Variants in FEM1B observed in about 807,000 individuals in gnomAD.
The protein encoded by FEM1B is protein fem-1 homolog B.
In FEM1B, 10 loss-of-function variants were observed where a neutral mutation model predicts 38.6. That is an observed-to-expected ratio of 0.26 (90% confidence interval 0.16 to 0.44). FEM1B has a LOEUF of 0.44. Among genes scored for constraint, FEM1B ranks in the 20% least tolerant of loss-of-function variants. The pLI is 1.00. For synonymous variants in FEM1B, 288 were observed against 288.0 expected (o/e 1.00, Z 0.00); for missense variants, 471 against 786.7 (o/e 0.60, Z 4.80).
At position 68,280,210 on chromosome 15, in the gene FEM1B, C is replaced by T. The variant is rs1158246371; in HGVS notation, c.248+1545C>T. On this transcript the variant is annotated intron_variant, in intron 1 of 1. Transcript: ENST00000306917. This position sits in a 1 kb window ranked among gnomAD's most constrained non-coding sequence, Gnocchi z 4.2. ...TGTTTTGAGGTGGCAATTAAAAGAACCTGAAATGACTAGAAATGTAGCATT... is the reference window on the plus strand; with the variant it reads ...TGTTTTGAGGTGGCAATTAAAAGAATCTGAAATGACTAGAAATGTAGCATT... The T allele has an allele frequency of 6.6e-6, 1 of 152,184 alleles. No homozygotes were observed. Among genetic ancestry groups the T allele is most frequent in the Admixed American group, 6.5e-5 (1 of 15,282 alleles). 9.4% of individuals were successfully genotyped at this position (152,184 alleles called of 1,614,324 possible).
rs768330591 is a variant in FEM1B at position 68,290,751 on chromosome 15, T to A, written c.1393T>A (p.Cys465Ser). 3 of 1,613,866 alleles carry A rather than the reference T, an allele frequency of 1.9e-6. No homozygotes were observed. In the African/African-American group the frequency reaches 4.0e-5, roughly 22 times the overall value. Residue 465 changes from cysteine (C) to serine (S), a missense_variant, in exon 2 of 2, where the codon TGC becomes AGC. Transcript: ENST00000306917. The surrounding 1 kb of genome is among the most constrained non-coding windows in gnomAD (Gnocchi z 9.7). ...TKTQCSEEDQCKINKQIYNLI... is the reference protein window; with the variant it reads ...TKTQCSEEDQSKINKQIYNLI... ...AACACAGTGCAGCGAAGAAGATCAG[T>A]GCAAAATTAACAAGCAGATCTACAA...
At chr15:68,286,249 A>T (rs1454499466) in intron 1 of FEM1B, among the ~76,000 whole-genome samples, 19 of 148,632 alleles carry the variant, frequency 1.3e-4, no homozygotes, top group Non-Finnish European at 2.8e-4. Context: ...TGATAATATT[A>T]TTCTGTCCCC....
In FEM1B at chr15:68,292,314, T is replaced by C. The variant is rs911007177; in HGVS notation, c.*1072T>C. ...ATGTTTTTTATGATGAAAATAATTC[T>C]CAATGCCACTTGAAAGGTAATTGTG... On this transcript the variant is annotated 3_prime_UTR_variant, in exon 2 of 2. Transcript: ENST00000306917. The C allele has an allele frequency of 5.3e-5, 8 of 152,192 alleles. No individual in the cohort carries two copies. Among genetic ancestry groups the C allele is most frequent in the African/African-American group, 1.9e-4 (8 of 41,478 alleles). The allele number at this position is 152,192 out of a possible 1,614,324, so 9.4% of individuals were successfully genotyped here.
rs1892848263 is a variant in FEM1B, at chr15:68,291,534, A to G, written c.*292A>G. On this transcript the variant is annotated 3_prime_UTR_variant, in exon 2 of 2. Transcript: ENST00000306917. The surrounding 1 kb of genome is among the most constrained non-coding windows in gnomAD (Gnocchi z 6.9). Reference sequence around the variant, plus strand: ...ATATAAAATGTTTTGTTTATGTAACAAGGGACATTTATAATTTCAAGTTGA... The same window carrying G: ...ATATAAAATGTTTTGTTTATGTAACGAGGGACATTTATAATTTCAAGTTGA... 1 of 328,262 alleles carries G rather than the reference A, an allele frequency of 3.0e-6. No homozygotes were observed. 20.3% of individuals were successfully genotyped at this position (328,262 alleles called of 1,614,324 possible). A position where few individuals can be genotyped will look rare whatever the true frequency, so the allele number is the denominator to read the frequency against.
Position 68,290,774 on chromosome 15 carries a change from C to T in FEM1B, c.1416C>T (p.Tyr472=). The T allele has an allele frequency of 1.2e-6, 2 of 1,614,010 alleles. No homozygotes were observed. The highest frequency in any genetic ancestry group is 1.7e-6 in the Non-Finnish European group (2 of 1,179,902). The stretch of plus-strand genomic sequence containing the variant: ...AGTGCAAAATTAACAAGCAGATCTA[C>T]AACCTGATTCACCTTGATCCCAGAA... The part of the protein sequence containing the change: ...EDQCKINKQI[Y]NLIHLDPRTR... The change falls in exon 2 of 2, where the codon TAC becomes TAT. Residue 472 remains tyrosine, a synonymous_variant. Transcript: ENST00000306917. The surrounding 1 kb of genome is among the most constrained non-coding windows in gnomAD (Gnocchi z 9.7).
rs1595842115 is a variant in FEM1B at position 68,291,538 on chromosome 15, G to A, written c.*296G>A. On this transcript the variant is annotated 3_prime_UTR_variant, in exon 2 of 2. Coordinates refer to ENST00000306917, the MANE Select transcript of FEM1B (RefSeq NM_015322.5). This position sits in a 1 kb window ranked among gnomAD's most constrained non-coding sequence, Gnocchi z 6.9. The stretch of plus-strand genomic sequence containing the variant: ...AAAATGTTTTGTTTATGTAACAAGG[G>A]ACATTTATAATTTCAAGTTGATAAT... 23 of 315,322 alleles carry A rather than the reference G, an allele frequency of 7.3e-5. No homozygotes were observed. The East Asian group carries it at 1.2e-3, about 17-fold the overall frequency. The allele number at this position is 315,322 out of a possible 1,614,324, so 19.5% of individuals were successfully genotyped here. A position where few individuals can be genotyped will look rare whatever the true frequency, so the allele number is the denominator to read the frequency against.
At position 68,278,384 on chromosome 15, in the gene FEM1B, G is replaced by A. The variant is rs1892686529; in HGVS notation, c.-34G>A. On this transcript the variant is annotated 5_prime_UTR_variant, in exon 1 of 2. Coordinates refer to ENST00000306917, the MANE Select transcript of FEM1B (RefSeq NM_015322.5). The surrounding 1 kb of genome is among the most constrained non-coding windows in gnomAD (Gnocchi z 5.7). ...GGGGGCGCACGGCAGCTGCAGCGGT[G>A]GCGACCAAACGGGTGTTGGAGTTGG... 6.3e-7 allele frequency: 1 copy of A among 1,593,738 alleles called. No individual in the cohort carries two copies. Among genetic ancestry groups the A allele is most frequent in the Non-Finnish European group, 8.5e-7 (1 of 1,169,604 alleles).
chr15:68,286,462 G>C (rs951449471), intron 1 of FEM1B, among the ~76,000 whole-genome samples: 1 of 146,408 alleles, frequency 6.8e-6, no homozygotes, highest in Non-Finnish European at 1.5e-5. Flanking sequence ...TTGTAGCCTC[G>C]ACCTCTTGGA....
rs181098440 is a variant in FEM1B at position 68,278,941 on chromosome 15, C to T, written c.248+276C>T. 1.3e-5 allele frequency among the ~76,000 whole-genome samples: 2 copies of T among 152,258 alleles called. No homozygotes were observed. Among genetic ancestry groups the T allele is most frequent in the East Asian group, 3.9e-4 (2 of 5,182 alleles). ...TGAAATCTAATAGTCGTCTTCTCTACTAGATAGTCTGTGAACAAGCCATTT... is the reference window on the plus strand; with the variant it reads ...TGAAATCTAATAGTCGTCTTCTCTATTAGATAGTCTGTGAACAAGCCATTT... On this transcript the variant is annotated intron_variant, in intron 1 of 1. Transcript: ENST00000306917. This position sits in a 1 kb window ranked among gnomAD's most constrained non-coding sequence, Gnocchi z 5.7.
chr15:68,286,654 T>G (rs1031703194), intron 1 of FEM1B, among the ~76,000 whole-genome samples: 1 of 152,210 alleles, frequency 6.6e-6, no homozygotes, highest in East Asian at 1.9e-4. Flanking sequence ...AGGAGTGTTT[T>G]GTAGTTTTCA....
chr15:68,280,580 A>C lies in FEM1B; in HGVS notation c.248+1915A>C, dbSNP rs60647108. ...TGACGTTCGAGCTGTGTTTTAAAGA[A>C]TAGTAGTAGGACATGAAGAAGAGGG... On this transcript the variant is annotated intron_variant, in intron 1 of 1. Transcript: ENST00000306917. The surrounding 1 kb of genome is among the most constrained non-coding windows in gnomAD (Gnocchi z 4.2). Among the ~76,000 whole-genome samples the C allele has an allele frequency of 0.022, 3,330 of 152,292 alleles. 101 individuals carry two copies. Among genetic ancestry groups the C allele is most frequent in the African/African-American group, 0.071 (2,938 of 41,552 alleles).
chr15:68,279,431 A>T (rs1892703264), intron 1 of FEM1B, among the ~76,000 whole-genome samples: 1 of 152,170 alleles, frequency 6.6e-6, no homozygotes, highest in African/African-American at 2.4e-5. Context: ...AATTGTACGA[A>T]TTTTTGGGTA....
rs142597284 is a variant in FEM1B at position 68,284,889 on chromosome 15, C to T, written c.249-4718C>T. 9.2e-3 allele frequency among the ~76,000 whole-genome samples: 1,406 copies of T among 152,314 alleles called. 15 individuals are homozygous for T. The highest frequency in any genetic ancestry group is 0.015 in the Non-Finnish European group (1,009 of 68,036). On this transcript the variant is annotated intron_variant, in intron 1 of 1. Coordinates refer to ENST00000306917, the MANE Select transcript of FEM1B (RefSeq NM_015322.5). The surrounding 1 kb of genome is among the most constrained non-coding windows in gnomAD (Gnocchi z 4.4). ...AAGGGGGAGATTCCCTGCACAAGCT[C>T]ACTTTGCCTGCTGCCATCCATGTAA...
At position 68,291,342 on chromosome 15, in the gene FEM1B, C is replaced by A; in HGVS notation, c.*100C>A. On this transcript the variant is annotated 3_prime_UTR_variant, in exon 2 of 2. Coordinates refer to ENST00000306917, the MANE Select transcript of FEM1B (RefSeq NM_015322.5). This position sits in a 1 kb window ranked among gnomAD's most constrained non-coding sequence, Gnocchi z 6.9. ...GTGTTCATAAATTCTGCTTTTCTTT[C>A]CACTACCCTTCCTCCCATCCCATCC... The A allele has an allele frequency of 1.2e-6, 1 of 862,244 alleles. No homozygotes were observed. The highest frequency in any genetic ancestry group is 1.8e-6 in the Non-Finnish European group (1 of 565,228). 53.4% of individuals were successfully genotyped at this position (862,244 alleles called of 1,614,324 possible).
In FEM1B at chr15:68,292,072, A is replaced by C. The variant is rs943419062; in HGVS notation, c.*830A>C. On this transcript the variant is annotated 3_prime_UTR_variant, in exon 2 of 2. Transcript: ENST00000306917. ...GTTTTCTTATGAAACAAATTGTCAC[A>C]GTGTAGTTATACATTCTATTTTTGT... 2.0e-5 allele frequency: 3 copies of C among 152,178 alleles called. No homozygotes were observed. Among genetic ancestry groups the C allele is most frequent in the Non-Finnish European group, 4.4e-5 (3 of 68,008 alleles). 9.4% of individuals were successfully genotyped at this position (152,178 alleles called of 1,614,324 possible).
Position 68,289,857 on chromosome 15 carries a change from A to G in FEM1B, c.499A>G (p.Thr167Ala), listed in dbSNP as rs552265211. The change falls in exon 2 of 2, where the codon ACT (threonine) becomes GCT (alanine). Residue 167 changes from threonine (T) to alanine (A), a missense_variant. Around this residue, in one of 3 missense-constraint regions of FEM1B, gnomAD observed 380 missense variants for 599.6 expected, o/e 0.63. Transcript: ENST00000306917. This position sits in a 1 kb window ranked among gnomAD's most constrained non-coding sequence, Gnocchi z 6.9. ...AATGATTGCGGCATATAAGGGACACACTGATGTGGTCAGATACCTTTTAGA... is the reference window on the plus strand; with the variant it reads ...AATGATTGCGGCATATAAGGGACACGCTGATGTGGTCAGATACCTTTTAGA... Reference protein sequence around the residue: ...CLMIAAYKGHTDVVRYLLEQR... With the variant: ...CLMIAAYKGHADVVRYLLEQR... 3.1e-6 allele frequency: 5 copies of G among 1,614,054 alleles called. No homozygotes were observed. In the South Asian group the frequency reaches 5.5e-5, roughly 18 times the overall value.
intron 1 of FEM1B, among the ~76,000 whole-genome samples, chr15:68,287,856 A>G (rs1251590891): frequency 4.1e-5 from 5 of 121,118 alleles, no homozygotes; most frequent in Non-Finnish European, 5.0e-5. Flanking sequence ...TTTTTTTGAG[A>G]TGAAGTTTTG....
intron 1 of FEM1B, among the ~76,000 whole-genome samples, chr15:68,287,832 T>C (rs969288195): frequency 3.1e-4 from 43 of 139,286 alleles, no homozygotes; most frequent in Admixed American, 9.8e-4. Context: ...TAACGTCTCT[T>C]TTTTTTTTTT....
chr15:68,279,422 A>G lies in FEM1B; in HGVS notation c.248+757A>G, dbSNP rs896401768. Among the ~76,000 whole-genome samples, 4 of 152,136 alleles carry G rather than the reference A, an allele frequency of 2.6e-5. No homozygotes were observed. In the East Asian group the frequency reaches 7.7e-4, roughly 29 times the overall value. ...GCCTAAGATTTGCCCTTTGAGTTTA[A>G]TTGTACGAATTTTTGGGTATTTGAC... is the stretch of plus-strand genomic sequence containing the variant. On this transcript the variant is annotated intron_variant, in intron 1 of 1. Coordinates refer to ENST00000306917, the MANE Select transcript of FEM1B (RefSeq NM_015322.5).
Sources: gnomAD v4.1 joint callset for allele counts (sites outside exome capture counted in the v4.1 genomes callset) on GRCh38, gnomAD v4.1.1 for gene constraint, gnomAD v4.1.1 regional missense constraint, Gnocchi (gnomAD v3.1) non-coding constraint, MANE v1.5 for transcripts, NCBI Gene and HGNC (gene_info 2026-07-23, HGNC 2026-07-21) for gene names.